ROBO2: variants seen among roughly 807,000 people sequenced by gnomAD.
ROBO2 encodes roundabout homolog 2.
In ROBO2, 53 loss-of-function variants were observed where a neutral mutation model predicts 160.8. The observed-to-expected ratio is 0.33, with a 90% CI of 0.26 to 0.41. The LOEUF is 0.41. Ranked by LOEUF, ROBO2 falls within the 10% of genes least tolerant of loss-of-function variation. The pLI is 1.00. For missense variants in ROBO2, 1,577 were observed against 1,722.4 expected (o/e 0.92, Z 1.49); for synonymous variants, 664 against 611.7 (o/e 1.09, Z -1.26).
intron 2 of ROBO2, among the ~76,000 whole-genome samples, chr3:77,371,907 G>A (rs936574499): frequency 3.9e-5 from 6 of 152,174 alleles, no homozygotes; most frequent in Non-Finnish European, 7.4e-5. Context: ...GTAGTCACTT[G>A]TAATGAATAA....
At position 76,064,229 on chromosome 3, in the gene ROBO2, CT is replaced by C. The variant is rs2068166611; in HGVS notation, c.109+126628del. ...CTGACCCATGGAAAATGAAATAATG[CT>C]CGTGTGTTGTGTTACGCTTCTAATT... is the stretch of plus-strand genomic sequence containing the variant. On this transcript the variant is annotated intron_variant, in intron 2 of 26. Coordinates refer to the ROBO2 transcript ENST00000487694. Among the ~76,000 whole-genome samples the C allele has an allele frequency of 2.6e-5, 4 of 152,258 alleles. No individual in the cohort carries two copies. In the South Asian group the frequency reaches 8.3e-4, roughly 32 times the overall value.
intron 2 of ROBO2, among the ~76,000 whole-genome samples, chr3:76,975,819 A>T (rs887264349): frequency 3.9e-5 from 6 of 152,164 alleles, no homozygotes; most frequent in Non-Finnish European, 5.9e-5. Context: ...TTAAAAAAAA[A>T]CTTTCCAAAC....
At chr3:77,064,492 C>G (rs2149791782) in intron 1 of ROBO2, among the ~76,000 whole-genome samples, 1 of 151,712 alleles carries the variant, frequency 6.6e-6, no homozygotes, top group Admixed American at 6.6e-5. Context: ...TCCCAAGTAG[C>G]TGGGATTACA....
At chr3:77,493,939 C>T (rs2086458426) in intron 5 of ROBO2, among the ~76,000 whole-genome samples, 1 of 152,122 alleles carries the variant, frequency 6.6e-6, no homozygotes, top group Non-Finnish European at 1.5e-5. Context: ...TCCATCTCTT[C>T]ATGGAGACCT....
At position 77,555,696 on chromosome 3, in the gene ROBO2, C is replaced by A. The variant is rs1324560861; in HGVS notation, c.1232-2248C>A. Among the ~76,000 whole-genome samples, 6 of 151,852 alleles carry A rather than the reference C, an allele frequency of 4.0e-5. No homozygotes were observed. In the Admixed American group the frequency reaches 4.0e-4, roughly 10 times the overall value. ...AAGATGTATTTATATCTTGTACTGA[C>A]AATAAATGTCACATCATGATCTTAT... is the stretch of plus-strand genomic sequence containing the variant. On this transcript the variant is annotated intron_variant, in intron 8 of 25. Transcript: ENST00000461745.
intron 2 of ROBO2, among the ~76,000 whole-genome samples, chr3:76,422,222 T>C (rs1332753398): frequency 6.6e-6 from 1 of 152,178 alleles, no homozygotes; most frequent in African/African-American, 2.4e-5. Flanking sequence ...TAAGCTTACT[T>C]TTCATTTTCT....
At chr3:77,568,222 T>A (rs2093543623) in intron 12 of ROBO2, 91 bp from the exon 14 acceptor site, 6 of 1,466,978 alleles carry the variant, frequency 4.1e-6, no homozygotes, top group Non-Finnish European at 5.6e-6. Flanking sequence ...CTGTAATTAG[T>A]TCTAAAGACA....
At chr3:76,910,741 AAAAG>A (rs543887534) in intron 2 of ROBO2, among the ~76,000 whole-genome samples, 8,037 of 138,572 alleles carry the variant, frequency 0.058, 872 homozygotes, top group African/African-American at 0.15. Context: ...AAAAAAAAAA[AAAAG>A]AAAAAAAAAG....
chr3:77,121,716 G>T (rs2074791265), intron 2 of ROBO2, among the ~76,000 whole-genome samples: 2 of 151,918 alleles, frequency 1.3e-5, no homozygotes, highest in South Asian at 2.1e-4. Context: ...ATTAGTGTTG[G>T]AATTGCTTGG....
At chr3:75,967,499 A>G (rs1949158315) in intron 2 of ROBO2, among the ~76,000 whole-genome samples, 1 of 151,608 alleles carries the variant, frequency 6.6e-6, no homozygotes, top group Non-Finnish European at 1.5e-5. Flanking sequence ...ACATACTACA[A>G]TAACTACAAT....
intron 2 of ROBO2, among the ~76,000 whole-genome samples, chr3:77,008,050 T>A (rs2061674143): frequency 6.6e-6 from 1 of 152,054 alleles, no homozygotes; most frequent in African/African-American, 2.4e-5. Flanking sequence ...TTATTTCCCA[T>A]CAGGGAACTT....
At chr3:77,471,605 C>A (rs779361408) in intron 2 of ROBO2, among the ~76,000 whole-genome samples, 1 of 152,180 alleles carries the variant, frequency 6.6e-6, no homozygotes, top group Non-Finnish European at 1.5e-5. Context: ...CAGACTTTCC[C>A]TCTAAAGATT....
intron 2 of ROBO2, among the ~76,000 whole-genome samples, chr3:76,412,971 G>T (rs6808503): frequency 0.56 from 85,721 of 152,074 alleles, 24,682 homozygotes; most frequent in African/African-American, 0.67. Flanking sequence ...ACCAGGTGTT[G>T]CCATACATCT....
At chr3:76,949,544 C>A (rs925156320) in intron 2 of ROBO2, among the ~76,000 whole-genome samples, 2 of 152,162 alleles carry the variant, frequency 1.3e-5, no homozygotes, top group Non-Finnish European at 2.9e-5. Context: ...GTGTCCAAGA[C>A]CGAAGGGCTT....
intron 2 of ROBO2, among the ~76,000 whole-genome samples, chr3:76,317,556 T>C (rs1388571919): frequency 6.6e-6 from 1 of 152,112 alleles, no homozygotes; most frequent in Non-Finnish European, 1.5e-5. Context: ...AAATGCAGAG[T>C]GTTCTTTGTA....
intron 2 of ROBO2, among the ~76,000 whole-genome samples, chr3:77,291,855 A>G (rs1173436605): frequency 2.0e-5 from 3 of 151,926 alleles, no homozygotes; most frequent in African/African-American, 7.3e-5. Flanking sequence ...CTGAGGCTAG[A>G]TCACCCCAGA....
chr3:76,192,390 G>C (rs113099984), intron 2 of ROBO2, among the ~76,000 whole-genome samples: 81 of 151,896 alleles, frequency 5.3e-4, no homozygotes, highest in African/African-American at 1.8e-3. Flanking sequence ...GCTTATTCTT[G>C]TTGGTATAAA....
At chr3:76,571,086 G>A (rs942553312) in intron 2 of ROBO2, among the ~76,000 whole-genome samples, 3 of 152,064 alleles carry the variant, frequency 2.0e-5, no homozygotes, top group African/African-American at 7.2e-5. Context: ...ATTATGTAAG[G>A]TCTTTTTATC....
intron 2 of ROBO2, among the ~76,000 whole-genome samples, chr3:76,478,104 G>A (rs1289082829): frequency 1.3e-5 from 2 of 150,252 alleles, no homozygotes; most frequent in Admixed American, 6.7e-5. Flanking sequence ...GTATACATGT[G>A]CCATGCTGGT....
Sources: gnomAD v4.1 joint callset for allele counts (sites outside exome capture counted in the v4.1 genomes callset) on GRCh38, gnomAD v4.1.1 for gene constraint, MANE v1.5 for transcripts, NCBI Gene and HGNC (gene_info 2026-07-23, HGNC 2026-07-21) for gene names.